The following CACNA1A variants were observed in gnomAD, a reference collection of about 807,000 sequenced individuals.
CACNA1A encodes calcium voltage-gated channel subunit alpha1 A.
A neutral mutation model predicts 262.4 loss-of-function variants in CACNA1A; 57 were observed. The observed-to-expected ratio is 0.22, with a 90% CI of 0.18 to 0.27. The LOEUF is 0.27. Among genes scored for constraint, CACNA1A ranks in the 10% least tolerant of loss-of-function variants. CACNA1A has a pLI of 1.00. For missense variants in CACNA1A, 2,526 were observed against 3,562.8 expected (o/e 0.71, Z 7.41); for synonymous variants, 1,431 against 1,419.3 (o/e 1.01, Z -0.18).
chr19:13,465,390 A>G (rs1028839637), intron 1 of CACNA1A, among the ~76,000 whole-genome samples: 3 of 152,224 alleles, frequency 2.0e-5, no homozygotes. Flanking sequence ...ATGTTGCCAA[A>G]AAAAATCTTC....
intron 3 of CACNA1A, among the ~76,000 whole-genome samples, chr19:13,441,007 T>C (rs933426839): frequency 2.0e-5 from 3 of 152,132 alleles, no homozygotes; most frequent in African/African-American, 7.2e-5. Flanking sequence ...GAGATGGAGT[T>C]TCACCATGTT....
At chr19:13,223,454 G>T (rs543845648) in intron 38 of CACNA1A, among the ~76,000 whole-genome samples, 2 of 152,276 alleles carry the variant, frequency 1.3e-5, no homozygotes, top group South Asian at 4.1e-4. Context: ...CTCCCAAAGT[G>T]CTGAGATTAC....
intron 44 of CACNA1A, among the ~76,000 whole-genome samples, chr19:13,210,319 A>G (rs1347662070): frequency 6.6e-6 from 1 of 152,074 alleles, no homozygotes; most frequent in Non-Finnish European, 1.5e-5. Flanking sequence ...AGCCCCCCAG[A>G]AAGAGGTGCA....
chr19:13,317,821 A>G (rs2058156905), intron 10 of CACNA1A, among the ~76,000 whole-genome samples: 1 of 152,216 alleles, frequency 6.6e-6, no homozygotes, highest in Admixed American at 6.5e-5. Flanking sequence ...TTTTGCTCTT[A>G]TGCATTTATT....
At chr19:13,326,246 T>G (rs181292556) in intron 10 of CACNA1A, among the ~76,000 whole-genome samples, 72 of 151,278 alleles carry the variant, frequency 4.8e-4, no homozygotes, top group African/African-American at 1.7e-3. Flanking sequence ...ACCTGGAAGG[T>G]GGAGGTTGCA....
intron 3 of CACNA1A, among the ~76,000 whole-genome samples, chr19:13,389,394 C>G (rs1431807619): frequency 6.6e-6 from 1 of 152,050 alleles, no homozygotes; most frequent in Non-Finnish European, 1.5e-5. Flanking sequence ...CTGCCCCTAA[C>G]AGACCTGGTA....
chr19:13,311,398 CTTTTT>C (rs939959587), intron 12 of CACNA1A, among the ~76,000 whole-genome samples: 3 of 152,138 alleles, frequency 2.0e-5, no homozygotes, highest in Admixed American at 6.5e-5. Flanking sequence ...GCTTTCTTTT[CTTTTT>C]AATGGAAAGA....
intron 1 of CACNA1A, among the ~76,000 whole-genome samples, chr19:13,465,701 G>T (rs527770141): frequency 7.0e-4 from 107 of 151,788 alleles, no homozygotes; most frequent in African/African-American, 2.5e-3. Flanking sequence ...GTTACCCAGG[G>T]TGGTCTTGAA....
In CACNA1A at chr19:13,312,798, G is replaced by A. The variant is rs755361841; in HGVS notation, c.1556-17C>T. The A allele has an allele frequency of 1.2e-5, 16 of 1,376,064 alleles. No individual in the cohort carries two copies. The East Asian group carries it at 3.6e-4, about 31-fold the overall frequency. 85.2% of individuals were successfully genotyped at this position (1,376,064 alleles called of 1,614,324 possible). On this transcript the variant is annotated splice_polypyrimidine_tract_variant and intron_variant, in intron 11 of 46. Transcript: ENST00000360228. Reference sequence around the variant, plus strand: ...CTGCATAGTCTAGAAGGGAGAAGGAGGAAACAGAGAGGAGGTTAGGCTTGC... The same window carrying A: ...CTGCATAGTCTAGAAGGGAGAAGGAAGAAACAGAGAGGAGGTTAGGCTTGC...
intron 44 of CACNA1A, 79 bp downstream of exon 44, chr19:13,210,538 G>A: frequency 7.7e-7 from 1 of 1,304,504 alleles, no homozygotes; most frequent in Non-Finnish European, 1.1e-6. Context: ...GGTGAGAGAT[G>A]ACGGGACTCC....
intron 37 of CACNA1A, chr19:13,226,253 C>CGGGGGGGG (rs55778152): frequency 3.6e-5 from 2 of 55,884 alleles, no homozygotes; most frequent in South Asian, 4.8e-4. Flanking sequence ...TGAGGAAAAC[C>CGGGGGGGG]GGGGGGGGGG....
chr19:13,474,822 A>C (rs948064916), intron 1 of CACNA1A, among the ~76,000 whole-genome samples: 2 of 152,096 alleles, frequency 1.3e-5, no homozygotes, highest in South Asian at 2.1e-4. Flanking sequence ...GTCTCAAAAA[A>C]AAAAAAAATG....
rs768719398 is a variant in CACNA1A, at chr19:13,299,086, G to A, written c.2547C>T (p.Leu849=). The A allele has an allele frequency of 1.1e-5, 17 of 1,610,856 alleles. No homozygotes were observed. In the Admixed American group the frequency reaches 2.0e-4, roughly 19 times the overall value. ...RAAEPTVDQR[L]GQQRAEDFLR... ...GGAAGTCCTCGGCGCGCTGCTGGCC[G>A]AGGCGCTGGTCCACGGTGGGCTCGG... The change falls in exon 19 of 47, where the codon CTC becomes CTT. Residue 849 remains leucine, a synonymous_variant. Transcript: ENST00000360228.
chr19:13,250,414 T>G (rs1013346119), intron 30 of CACNA1A, among the ~76,000 whole-genome samples: 2 of 151,306 alleles, frequency 1.3e-5, no homozygotes, highest in Admixed American at 1.3e-4. Context: ...ATTTATTTAT[T>G]GAGATGGAGT....
chr19:13,345,311 G>A (rs763784825), intron 6 of CACNA1A, among the ~76,000 whole-genome samples: 45 of 152,238 alleles, frequency 3.0e-4, no homozygotes, highest in Non-Finnish European at 4.7e-4. Context: ...GCATGGGTGG[G>A]ACTAGACCCG....
intron 1 of CACNA1A, among the ~76,000 whole-genome samples, chr19:13,486,562 C>T (rs967797956): frequency 1.3e-5 from 2 of 151,778 alleles, no homozygotes; most frequent in African/African-American, 2.4e-5. Context: ...AAAGAGATGA[C>T]GAGTTGGCAA....
intron 29 of CACNA1A, among the ~76,000 whole-genome samples, chr19:13,253,687 G>T (rs117331442): frequency 6.6e-6 from 1 of 151,336 alleles, no homozygotes; most frequent in South Asian, 2.1e-4. Flanking sequence ...CCTTGTGATC[G>T]CCCTCCTCGG....
intron 6 of CACNA1A, among the ~76,000 whole-genome samples, chr19:13,351,958 G>A (rs534771170): frequency 1.3e-5 from 2 of 152,250 alleles, no homozygotes; most frequent in South Asian, 4.1e-4. Flanking sequence ...TATTATTGAT[G>A]TATCAATCAA....
intron 3 of CACNA1A, among the ~76,000 whole-genome samples, chr19:13,447,599 A>G (rs1386781760): frequency 6.6e-6 from 1 of 152,244 alleles, no homozygotes; most frequent in Non-Finnish European, 1.5e-5. Context: ...TGAAGGATGA[A>G]GAGCAAGGAA....
Sources: gnomAD v4.1 joint callset for allele counts (sites outside exome capture counted in the v4.1 genomes callset) on GRCh38, gnomAD v4.1.1 for gene constraint, MANE v1.5 for transcripts, NCBI Gene and HGNC (gene_info 2026-07-23, HGNC 2026-07-21) for gene names.